The following TAS2R1 variants were observed in gnomAD, a reference collection of about 807,000 sequenced individuals.
The protein encoded by TAS2R1 is taste receptor type 2 member 1.
For missense variants in TAS2R1, 370 were observed against 353.4 expected (o/e 1.05, Z -0.38); for synonymous variants, 141 against 134.2 (o/e 1.05, Z -0.35).
chr5:9,870,757 T>C, the TAS2R1 span, among the ~76,000 whole-genome samples: 1 of 152,172 alleles, frequency 6.6e-6, no homozygotes, highest in South Asian at 2.1e-4. Flanking sequence ...GAGGAGATGC[T>C]GGAACTGCAT....
chr5:9,888,967 T>A, the TAS2R1 span, among the ~76,000 whole-genome samples: 1 of 152,080 alleles, frequency 6.6e-6, no homozygotes, highest in Non-Finnish European at 1.5e-5. Flanking sequence ...GGAGGACTAC[T>A]TAAGAGTTAT....
chr5:9,747,812 CTTT>C, the TAS2R1 span, among the ~76,000 whole-genome samples: 1 of 146,132 alleles, frequency 6.8e-6, no homozygotes. Flanking sequence ...AGATTTGTAA[CTTT>C]TTTTTTTTTT....
At chr5:9,830,605 G>GCACACACACACACACACACACA in the TAS2R1 span, among the ~76,000 whole-genome samples, 17 of 149,812 alleles carry the variant, frequency 1.1e-4, no homozygotes, top group African/African-American at 3.9e-4. Flanking sequence ...ACGTGCGCGC[G>GCACACACACACACACACACACA]CACACACACA....
intron 2 of TAS2R1, among the ~76,000 whole-genome samples, chr5:9,640,506 A>AAAAAC (rs1554052279): frequency 1.1e-4 from 17 of 148,628 alleles, no homozygotes; most frequent in African/African-American, 4.3e-4. Flanking sequence ...TTAAAAAAAA[A>AAAAAC]AAAAAAAAAA....
chr5:9,692,751 G>T (rs1158484264), intron 1 of TAS2R1, among the ~76,000 whole-genome samples: 1 of 152,206 alleles, frequency 6.6e-6, no homozygotes, highest in African/African-American at 2.4e-5. Flanking sequence ...TGTTGGCAGA[G>T]TCCATGACTC....
chr5:9,758,423 C>T, the TAS2R1 span, among the ~76,000 whole-genome samples: 812 of 152,256 alleles, frequency 5.3e-3, 5 homozygotes, highest in African/African-American at 0.018. Context: ...ATACGAACTC[C>T]GTGGTCCAGA....
At chr5:9,742,171 C>T in the TAS2R1 span, among the ~76,000 whole-genome samples, 13 of 152,166 alleles carry the variant, frequency 8.5e-5, no homozygotes, top group Non-Finnish European at 1.6e-4. Context: ...AGACGTGAGC[C>T]ACCACGTCTG....
At chr5:9,773,332 CT>C in the TAS2R1 span, among the ~76,000 whole-genome samples, 8 of 151,388 alleles carry the variant, frequency 5.3e-5, no homozygotes, top group African/African-American at 9.7e-5. Flanking sequence ...CTCTTTTTAA[CT>C]TTTTTTTTGT....
chr5:9,836,114 A>T, the TAS2R1 span, among the ~76,000 whole-genome samples: 1 of 152,040 alleles, frequency 6.6e-6, no homozygotes, highest in Non-Finnish European at 1.5e-5. Context: ...GCTTTTAAAA[A>T]GGGGAGTTTC....
the TAS2R1 span, among the ~76,000 whole-genome samples, chr5:9,718,914 C>A: frequency 6.6e-6 from 1 of 152,050 alleles, no homozygotes; most frequent in African/African-American, 2.4e-5. Flanking sequence ...AAAGAAAAAT[C>A]ATGGAATTGT....
At chr5:9,821,408 G>A in the TAS2R1 span, among the ~76,000 whole-genome samples, 4 of 152,210 alleles carry the variant, frequency 2.6e-5, no homozygotes, top group African/African-American at 9.7e-5. Flanking sequence ...ATCTGGAAAG[G>A]TCATTGGAGG....
At chr5:9,753,076 G>C in the TAS2R1 span, among the ~76,000 whole-genome samples, 2 of 152,150 alleles carry the variant, frequency 1.3e-5, no homozygotes, top group Admixed American at 6.5e-5. Flanking sequence ...TAATGGGATG[G>C]CTGGGTCAAA....
At chr5:9,658,108 A>G (rs1016820944) in intron 2 of TAS2R1, among the ~76,000 whole-genome samples, 1 of 152,194 alleles carries the variant, frequency 6.6e-6, no homozygotes, top group African/African-American at 2.4e-5. Flanking sequence ...AGATACTTCT[A>G]TATTCTCAAT....
the TAS2R1 span, among the ~76,000 whole-genome samples, chr5:9,822,995 A>T: frequency 0.21 from 31,346 of 146,696 alleles, 3,538 homozygotes; most frequent in African/African-American, 0.28. Context: ...CTCTCTCAGA[A>T]TGAAAGCATC....
the TAS2R1 span, among the ~76,000 whole-genome samples, chr5:9,808,058 G>C: frequency 5.3e-5 from 8 of 152,034 alleles, no homozygotes; most frequent in African/African-American, 1.7e-4. Flanking sequence ...GAGACTGACA[G>C]AGTTTTGAAG....
At chr5:9,798,320 T>C in the TAS2R1 span, among the ~76,000 whole-genome samples, 2 of 152,166 alleles carry the variant, frequency 1.3e-5, no homozygotes, top group South Asian at 2.1e-4. Flanking sequence ...ATGGTGATAA[T>C]TGTACAATTC....
At chr5:9,718,258 T>G in the TAS2R1 span, among the ~76,000 whole-genome samples, 4 of 149,918 alleles carry the variant, frequency 2.7e-5, no homozygotes, top group Non-Finnish European at 4.4e-5. Flanking sequence ...CGTGAGCCAC[T>G]GCGCCCAGCC....
chr5:9,671,301 G>C (rs1740749369), intron 1 of TAS2R1, among the ~76,000 whole-genome samples: 1 of 152,058 alleles, frequency 6.6e-6, no homozygotes. Flanking sequence ...GAAAAATCAG[G>C]CAAGAGAAAT....
chr5:9,728,397 C>G, the TAS2R1 span, among the ~76,000 whole-genome samples: 1 of 152,190 alleles, frequency 6.6e-6, no homozygotes, highest in Non-Finnish European at 1.5e-5. Context: ...ACAGTGTTTT[C>G]ACGACCTGAA....
Sources: gnomAD v4.1 joint callset for allele counts (sites outside exome capture counted in the v4.1 genomes callset) on GRCh38, gnomAD v4.1.1 for gene constraint, MANE v1.5 for transcripts, NCBI Gene and HGNC (gene_info 2026-07-23, HGNC 2026-07-21) for gene names.